Variants in CREBBP observed in about 807,000 individuals in gnomAD.
CREBBP encodes CREB-binding protein.
A neutral mutation model predicts 265.0 loss-of-function variants in CREBBP; 19 were observed. That is an observed-to-expected ratio of 0.07 (90% confidence interval 0.05 to 0.11). CREBBP has a LOEUF of 0.11. Ranked by LOEUF, CREBBP falls within the 10% of genes least tolerant of loss-of-function variation. The probability of loss-of-function intolerance (pLI) is 1.00; values close to 1 mark genes in which losing one functional copy is unlikely to be tolerated. For synonymous variants in CREBBP, 1,457 were observed against 1,223.7 expected (o/e 1.19, Z -3.98); for missense variants, 2,525 against 3,219.0 (o/e 0.78, Z 5.22).
intron 4 of CREBBP, among the ~76,000 whole-genome samples, chr16:3,792,858 CT>C (rs58304840): frequency 3.5e-3 from 526 of 152,362 alleles, no homozygotes; most frequent in African/African-American, 0.011. Flanking sequence ...ACCACCCCCC[CT>C]GGGATGATAC....
At chr16:3,756,275 T>G (rs1028547336) in intron 19 of CREBBP, among the ~76,000 whole-genome samples, 7 of 152,176 alleles carry the variant, frequency 4.6e-5, no homozygotes, top group African/African-American at 1.7e-4. Context: ...GCTCATAAAA[T>G]AGAGGCAACG....
chr16:3,754,776 T>C (rs1000133879), intron 19 of CREBBP, among the ~76,000 whole-genome samples: 4 of 152,232 alleles, frequency 2.6e-5, no homozygotes, highest in Non-Finnish European at 5.9e-5. Context: ...CGCTCACTTA[T>C]ATATTAGGGT....
At chr16:3,834,083 T>C (rs2054395505) in intron 2 of CREBBP, among the ~76,000 whole-genome samples, 11 of 152,166 alleles carry the variant, frequency 7.2e-5, no homozygotes, top group Admixed American at 6.5e-4. Flanking sequence ...TATTTGCCTA[T>C]TAGAACAGCC....
intron 16 of CREBBP, chr16:3,761,627 A>T (rs2052720435): frequency 3.9e-6 from 2 of 513,282 alleles, no homozygotes; most frequent in Admixed American, 4.0e-5. Context: ...GCTGCTTCAG[A>T]CCTCTGACAG....
chr16:3,734,684 C>T (rs910288227), intron 28 of CREBBP, among the ~76,000 whole-genome samples: 17 of 152,208 alleles, frequency 1.1e-4, no homozygotes, highest in South Asian at 2.1e-4. Flanking sequence ...CGTAAACCCA[C>T]GCCACCCCCT....
intron 2 of CREBBP, among the ~76,000 whole-genome samples, chr16:3,847,310 T>C (rs964565080): frequency 1.3e-5 from 2 of 152,228 alleles, no homozygotes; most frequent in Non-Finnish European, 2.9e-5. Context: ...ATATACTTCC[T>C]GTGTAATCGT....
At chr16:3,809,994 A>G (rs2053904973) in intron 3 of CREBBP, among the ~76,000 whole-genome samples, 1 of 152,082 alleles carries the variant, frequency 6.6e-6, no homozygotes, top group Non-Finnish European at 1.5e-5. Flanking sequence ...CAGTGTTTTG[A>G]AATAAAAGAG....
intron 3 of CREBBP, among the ~76,000 whole-genome samples, chr16:3,801,627 G>A (rs964840052): frequency 6.6e-6 from 1 of 152,044 alleles, no homozygotes; most frequent in African/African-American, 2.4e-5. Context: ...CAGAGATTGC[G>A]CCACTGCACT....
chr16:3,835,048 C>G (rs995263695), intron 2 of CREBBP, among the ~76,000 whole-genome samples: 4 of 152,004 alleles, frequency 2.6e-5, no homozygotes, highest in Non-Finnish European at 5.9e-5. Flanking sequence ...GTTCCAGCTA[C>G]TAAGGGAGGC....
intron 3 of CREBBP, 122 bp from the exon 4 acceptor site, chr16:3,793,748 G>C (rs1346665388): frequency 8.2e-7 from 1 of 1,212,188 alleles, no homozygotes; most frequent in Admixed American, 2.1e-5. Context: ...GAGAAGGCTG[G>C]TGTAGTTCTC....
chr16:3,802,131 T>TC (rs2141315883), intron 3 of CREBBP, among the ~76,000 whole-genome samples: 1 of 115,570 alleles, frequency 8.7e-6, no homozygotes, highest in African/African-American at 3.5e-5. Context: ...TTTTTTTTTT[T>TC]TTTTTTTTTT....
At chr16:3,826,361 A>G (rs1292070863) in intron 2 of CREBBP, among the ~76,000 whole-genome samples, 22 of 152,214 alleles carry the variant, frequency 1.4e-4, no homozygotes, top group Admixed American at 1.4e-3. Flanking sequence ...CTTTGCCTAA[A>G]GAAGGTAGAA....
chr16:3,727,598 C>T lies in CREBBP; in HGVS notation c.*120G>A, dbSNP rs1159117730. The stretch of plus-strand genomic sequence containing the variant: ...TTGTATTGTTTCTTTAAACATCAAT[C>T]CACCCTTCCATGGCTCGGAAGTCGC... On this transcript the variant is annotated 3_prime_UTR_variant, in exon 31 of 31. Coordinates refer to ENST00000262367, the MANE Select transcript of CREBBP (RefSeq NM_004380.3). The T allele has an allele frequency of 2.7e-6, 4 of 1,491,614 alleles. No homozygotes were observed. In the East Asian group the frequency reaches 7.4e-5, roughly 27 times the overall value. 92.4% of individuals were successfully genotyped at this position (1,491,614 alleles called of 1,614,324 possible).
intron 5 of CREBBP, among the ~76,000 whole-genome samples, chr16:3,785,660 G>A (rs1297276857): frequency 6.6e-6 from 1 of 152,238 alleles, no homozygotes; most frequent in Non-Finnish European, 1.5e-5. Context: ...GAAATGCACG[G>A]AGATTGGTCC....
At chr16:3,855,501 G>T (rs946752723) in intron 1 of CREBBP, among the ~76,000 whole-genome samples, 1 of 152,176 alleles carries the variant, frequency 6.6e-6, no homozygotes, top group African/African-American at 2.4e-5. Flanking sequence ...CTGACCTCAG[G>T]TGATCCGCCC....
intron 1 of CREBBP, among the ~76,000 whole-genome samples, chr16:3,876,010 C>T (rs2055392025): frequency 6.6e-6 from 1 of 152,124 alleles, no homozygotes; most frequent in African/African-American, 2.4e-5. Context: ...TGAAACACAG[C>T]TATGTTCAAT....
chr16:3,808,657 A>G (rs2053879039), intron 3 of CREBBP, among the ~76,000 whole-genome samples: 1 of 152,212 alleles, frequency 6.6e-6, no homozygotes, highest in Non-Finnish European at 1.5e-5. Context: ...TCTGTCACTA[A>G]GTTGTAGATA....
In CREBBP at chr16:3,880,067, G is replaced by C; in HGVS notation, c.-151C>G. The C allele has an allele frequency of 4.7e-6, 2 of 422,300 alleles. No individual in the cohort carries two copies. Among genetic ancestry groups the C allele is most frequent in the Non-Finnish European group, 7.5e-6 (2 of 267,502 alleles). 26.2% of individuals were successfully genotyped at this position (422,300 alleles called of 1,614,324 possible). ...GCGCCGAGGGAGAGGGAGGGCGCAG[G>C]CCGGGTGGGGGAGGCGGCGGCCAAA... On this transcript the variant is annotated 5_prime_UTR_variant, in exon 1 of 31. Coordinates refer to ENST00000262367, the MANE Select transcript of CREBBP (RefSeq NM_004380.3).
intron 6 of CREBBP, 118 bp from the exon 7 acceptor site, chr16:3,781,424 A>C (rs1428435844): frequency 1.2e-6 from 1 of 825,772 alleles, no homozygotes; most frequent in African/African-American, 1.7e-5. Context: ...TAAATAAGTG[A>C]TTCTGGCCAG....
Sources: allele counts gnomAD v4.1 joint callset (sites outside exome capture counted in the v4.1 genomes callset), GRCh38; gene constraint gnomAD v4.1.1; transcripts MANE v1.5; gene names NCBI Gene and HGNC (gene_info 2026-07-23, HGNC 2026-07-21).